Variants in CFTR observed in about 807,000 individuals in gnomAD.
The protein encoded by CFTR is cystic fibrosis transmembrane conductance regulator.
Under a neutral mutation model 171.6 loss-of-function variants are expected in CFTR, and 181 were observed. That is an observed-to-expected ratio of 1.05 (90% confidence interval 0.93 to 1.19). The LOEUF is 1.19. Ranked by LOEUF, CFTR falls within the 50% of genes most tolerant of loss-of-function variation. CFTR has a pLI of 0.00. For missense variants in CFTR, 1,968 were observed against 1,734.7 expected, an observed-to-expected ratio of 1.13 and a Z score of -2.39; for synonymous variants, 583 against 608.0, an observed-to-expected ratio of 0.96 and a Z score of 0.60.
At position 117,548,651 on chromosome 7, in the gene CFTR, A is replaced by T. The variant is rs397508180; in HGVS notation, c.1220A>T (p.Glu407Val). 3 of 1,612,366 alleles carry T rather than the reference A, an allele frequency of 1.9e-6. No individual in the cohort carries two copies. Among genetic ancestry groups the T allele is most frequent in the Non-Finnish European group, 2.5e-6 (3 of 1,179,228 alleles). ...VTAFWEEGFG[E>V]LFEKAKQNNN... ...GTGTTTTTTTAACAGGGATTTGGGGAATTATTTGAGAAAGCAAAACAAAAC... is the reference window on the plus strand; with the variant it reads ...GTGTTTTTTTAACAGGGATTTGGGGTATTATTTGAGAAAGCAAAACAAAAC... The change falls in exon 10 of 27, where the codon GAA becomes GTA. Residue 407 changes from glutamate to valine, a missense_variant. By Grantham distance (121) the Glu-to-Val change is moderately radical. Transcript: ENST00000003084.
rs541737583 is a variant in CFTR at position 117,665,558 on chromosome 7, A to G, written c.4236A>G (p.Gln1412=). 7.1e-5 allele frequency: 114 copies of G among 1,601,760 alleles called. No homozygotes were observed. In the South Asian group the frequency reaches 1.2e-3, roughly 16 times the overall value. Residue 1412 remains glutamine, a synonymous_variant, in exon 26 of 27, where the codon CAA becomes CAG. Transcript: ENST00000003084. ...TAGAAGCAATGCTGGAATGCCAACA[A>G]TTTTTGGTGAGTCTTTATAACTTTA... ...HRIEAMLECQ[Q]FLVIEENKVR...
In CFTR at chr7:117,591,676, C is replaced by T. The variant is rs562170830; in HGVS notation, c.1767-258C>T. 3.3e-5 allele frequency among the ~76,000 whole-genome samples: 5 copies of T among 152,160 alleles called. No individual in the cohort carries two copies. In the South Asian group the frequency reaches 1.0e-3, roughly 32 times the overall value. ...AAATGATTTGCTCAAAGTCAAATATCTACTTAATATAGGAAATTTAATTTC... is the reference window on the plus strand; with the variant it reads ...AAATGATTTGCTCAAAGTCAAATATTTACTTAATATAGGAAATTTAATTTC... On this transcript the variant is annotated intron_variant, in intron 13 of 26. Transcript: ENST00000003084.
intron 15 of CFTR, among the ~76,000 whole-genome samples, chr7:117,598,249 A>G (rs1792169426): frequency 6.6e-6 from 1 of 152,222 alleles, no homozygotes; most frequent in Admixed American, 6.5e-5. Flanking sequence ...TCAGCTTGTG[A>G]ATGATTACTG....
intron 19 of CFTR, 88 bp downstream of exon 19, chr7:117,610,757 T>G: frequency 6.8e-7 from 1 of 1,461,758 alleles, no homozygotes; most frequent in Non-Finnish European, 9.4e-7. Context: ...TTAAAAAAAA[T>G]TCTGCTTTTA....
chr7:117,480,182 C>G, intron 1 of CFTR, 35 bp downstream of exon 1: 1 of 1,608,406 alleles, frequency 6.2e-7, no homozygotes, highest in South Asian at 1.1e-5. Context: ...CGGAAAGACA[C>G]GTGCCCACGA....
chr7:117,517,417 T>C (rs183000299), intron 3 of CFTR, among the ~76,000 whole-genome samples: 2 of 152,322 alleles, frequency 1.3e-5, no homozygotes, highest in Non-Finnish European at 2.9e-5. Context: ...TAGTATTCCA[T>C]GGTATATATG....
intron 6 of CFTR, 114 bp downstream of exon 6, chr7:117,535,525 ATTTTTTTT>A (rs764945997): frequency 1.8e-5 from 9 of 500,398 alleles, no homozygotes; most frequent in Middle Eastern, 5.5e-4. Context: ...GTGTCATTAA[ATTTTTTTT>A]TTTTTTTTTT....
intron 3 of CFTR, among the ~76,000 whole-genome samples, chr7:117,522,678 T>C (rs927461568): frequency 6.6e-6 from 1 of 152,180 alleles, no homozygotes; most frequent in Admixed American, 6.5e-5. Context: ...GGACGCTTCT[T>C]GTGTCTCTGA....
rs985995406 is a variant in CFTR at position 117,667,001 on chromosome 7, A to C, written c.4336A>C (p.Arg1446=). Residue 1446 remains arginine, a synonymous_variant, in exon 27 of 27, where the codon AGG becomes CGG. Transcript: ENST00000003084. ...CCGGCAAGCCATCAGCCCCTCCGAC[A>C]GGGTGAAGCTCTTTCCCCACCGGAA... ...LFRQAISPSD[R]VKLFPHRNSS... is the part of the protein sequence containing the mutation. 78 of 1,613,846 alleles carry C rather than the reference A, an allele frequency of 4.8e-5. No individual in the cohort carries two copies. The highest frequency in any genetic ancestry group is 6.4e-5 in the Non-Finnish European group (76 of 1,179,968).
chr7:117,638,805 T>C (rs1167935447), intron 22 of CFTR, among the ~76,000 whole-genome samples: 1 of 151,898 alleles, frequency 6.6e-6, no homozygotes. Context: ...AAAATTTTAT[T>C]CTGAGCAGTC....
intron 3 of CFTR, among the ~76,000 whole-genome samples, chr7:117,510,064 G>C (rs4148691): frequency 0.25 from 38,049 of 151,906 alleles, 5,020 homozygotes; most frequent in East Asian, 0.42. Flanking sequence ...ACAAAGATGA[G>C]TACACTTAGG....
intron 11 of CFTR, among the ~76,000 whole-genome samples, chr7:117,571,415 T>C (rs757366513): frequency 1.6e-4 from 25 of 152,154 alleles, no homozygotes; most frequent in Non-Finnish European, 2.5e-4. Context: ...CATTTCTAAG[T>C]GGTCAGACTT....
intron 21 of CFTR, among the ~76,000 whole-genome samples, chr7:117,620,333 T>G (rs2116110746): frequency 6.6e-6 from 1 of 152,306 alleles, no homozygotes; most frequent in Non-Finnish European, 1.5e-5. Flanking sequence ...TGAAACAGTT[T>G]GATGAGAAGT....
chr7:117,561,098 C>A (rs570449357), intron 11 of CFTR, among the ~76,000 whole-genome samples: 1 of 151,886 alleles, frequency 6.6e-6, no homozygotes, highest in African/African-American at 2.4e-5. Context: ...AAATTTAGTA[C>A]TGTGGGTCTC....
At chr7:117,640,038 T>C (rs1160345414) in intron 22 of CFTR, among the ~76,000 whole-genome samples, 2 of 152,162 alleles carry the variant, frequency 1.3e-5, no homozygotes, top group African/African-American at 4.8e-5. Context: ...CAACACTGTT[T>C]AACTTTCAAC....
intron 20 of CFTR, among the ~76,000 whole-genome samples, chr7:117,614,083 C>A (rs759515356): frequency 2.8e-5 from 4 of 145,438 alleles, no homozygotes; most frequent in Non-Finnish European, 4.5e-5. Context: ...TCTGACTGTC[C>A]GGTGAAATTC....
Position 117,504,246 on chromosome 7 carries a change from AT to A in CFTR, c.54-3del. 6.5e-7 allele frequency: 1 copy of A among 1,545,264 alleles called. No homozygotes were observed. The highest frequency in any genetic ancestry group is 9.0e-7 in the Non-Finnish European group (1 of 1,117,306). ...GTGAATATCTGTTCCTCCTCTCTTT[AT>A]TTTAGCTGGACCAGACCAATTTTGA... On this transcript the variant is annotated splice_region_variant and splice_polypyrimidine_tract_variant and intron_variant, in intron 1 of 26. Transcript: ENST00000003084.
chr7:117,555,938 C>T (rs1799345437), intron 10 of CFTR, among the ~76,000 whole-genome samples: 1 of 152,126 alleles, frequency 6.6e-6, no homozygotes, highest in Non-Finnish European at 1.5e-5. Context: ...TTTGACTATA[C>T]AGTGGGTTGG....
intron 11 of CFTR, among the ~76,000 whole-genome samples, chr7:117,578,087 A>G (rs1791797100): frequency 6.6e-6 from 1 of 152,106 alleles, no homozygotes. Context: ...ACATGTACAT[A>G]TATGCATGTA....
Sources: allele counts gnomAD v4.1 joint callset (sites outside exome capture counted in the v4.1 genomes callset), GRCh38; gene constraint gnomAD v4.1.1; transcripts MANE v1.5; gene names NCBI Gene and HGNC (gene_info 2026-07-23, HGNC 2026-07-21).